The following TERF2 variants were observed in gnomAD, a reference collection of about 807,000 sequenced individuals.
TERF2 encodes telomeric repeat-binding factor 2.
A neutral mutation model predicts 56.1 loss-of-function variants in TERF2; 16 were observed. The ratio of observed to expected loss-of-function variants is 0.29; its 90% CI spans 0.19 to 0.43. TERF2 has a LOEUF of 0.43. Among genes scored for constraint, TERF2 ranks in the 20% least tolerant of loss-of-function variants. TERF2 has a pLI of 1.00. For missense variants in TERF2, 547 were observed against 712.9 expected (o/e 0.77, Z 2.65); for synonymous variants, 296 against 282.1 (o/e 1.05, Z -0.50).
At chr16:69,366,677 G>C in intron 7 of TERF2, 130 bp downstream of exon 7, 1 of 1,262,126 alleles carries the variant, frequency 7.9e-7, no homozygotes. Flanking sequence ...CCTGCGTCAA[G>C]TTCTAGCAGT....
At position 69,385,328 on chromosome 16, in the gene TERF2, T is replaced by C. The variant is rs866280102; in HGVS notation, c.475+63A>G. The stretch of plus-strand genomic sequence containing the variant: ...TAACCTGGAATCCTTCAGTTCTAGA[T>C]ATAAGTTTTAAAACAAAACCCTACG... On this transcript the variant is annotated intron_variant, in intron 2 of 9. Transcript: ENST00000254942. 1.4e-5 allele frequency: 19 copies of C among 1,389,552 alleles called. No individual in the cohort carries two copies. The Middle Eastern group carries it at 3.0e-3, about 221-fold the overall frequency. The allele number at this position is 1,389,552 out of a possible 1,614,324, so 86.1% of individuals were successfully genotyped here.
intron 3 of TERF2, among the ~76,000 whole-genome samples, chr16:69,383,241 T>G (rs137913391): frequency 1.3e-5 from 2 of 152,248 alleles, no homozygotes; most frequent in African/African-American, 4.8e-5. Flanking sequence ...AGTGCCATGT[T>G]GGCACTCAAA....
At chr16:69,376,876 A>AAC (rs1174105704) in intron 3 of TERF2, among the ~76,000 whole-genome samples, 1 of 150,794 alleles carries the variant, frequency 6.6e-6, no homozygotes, top group African/African-American at 2.4e-5. Flanking sequence ...AAAAAAAAAA[A>AAC]AAAACTGAGA....
chr16:69,357,110 A>C, intron 9 of TERF2, 54 bp from the exon 10 acceptor site: 2 of 1,546,056 alleles, frequency 1.3e-6, no homozygotes, highest in South Asian at 1.2e-5. Flanking sequence ...ACTTACTTAC[A>C]TTTTCTCCAA....
chr16:69,361,490 C>CT lies in TERF2; in HGVS notation c.1341-2dup. 6.2e-7 allele frequency: 1 copy of CT among 1,609,684 alleles called. No homozygotes were observed. The highest frequency in any genetic ancestry group is 8.5e-7 in the Non-Finnish European group (1 of 1,176,008). On this transcript the variant is annotated splice_acceptor_variant, in intron 7 of 9. Transcript: ENST00000254942. LOFTEE classifies it high-confidence loss of function. ...GCTGTTCCACTTGCCTTTGGGTACT[C>CT]TGAGGGGAGATCAAGGAGAGCACAG...
At position 69,356,004 on chromosome 16, in the gene TERF2, TA is replaced by T. The variant is rs1298682370; in HGVS notation, c.*893del. ...GAAGTGGAGGATTAACCTGCCTACATAGCCCAGCAGATGTTGACAGCAAATG... is the reference window on the plus strand; with the variant it reads ...GAAGTGGAGGATTAACCTGCCTACATGCCCAGCAGATGTTGACAGCAAATG... On this transcript the variant is annotated 3_prime_UTR_variant, in exon 10 of 10. Coordinates refer to ENST00000254942, the MANE Select transcript of TERF2 (RefSeq NM_005652.5). The T allele has an allele frequency of 3.4e-6, 1 of 292,490 alleles. No individual in the cohort carries two copies. Among genetic ancestry groups the T allele is most frequent in the Non-Finnish European group, 6.8e-6 (1 of 146,760 alleles). 18.1% of individuals were successfully genotyped at this position (292,490 alleles called of 1,614,324 possible). A position where few individuals can be genotyped will look rare whatever the true frequency, so the allele number is the denominator to read the frequency against.
chr16:69,357,580 A>G lies in TERF2; in HGVS notation c.1427-19T>C, dbSNP rs1042948233. ...GGTGCTGCTGGAAAACATTAAAAGT[A>G]GACTCATTTCAGAGTTCACCTTTCT... On this transcript the variant is annotated intron_variant, in intron 8 of 9. Coordinates refer to ENST00000254942, the MANE Select transcript of TERF2 (RefSeq NM_005652.5). 4.3e-6 allele frequency: 7 copies of G among 1,612,658 alleles called. No homozygotes were observed. The highest frequency in any genetic ancestry group is 5.1e-6 in the Non-Finnish European group (6 of 1,179,634).
In TERF2 at chr16:69,385,837, T is replaced by G; in HGVS notation, c.135A>C (p.Gly45=). The G allele has an allele frequency of 7.4e-7, 1 of 1,352,208 alleles. No homozygotes were observed. The highest frequency in any genetic ancestry group is 9.5e-7 in the Non-Finnish European group (1 of 1,050,072). 83.8% of individuals were successfully genotyped at this position (1,352,208 alleles called of 1,614,324 possible). The change falls in exon 1 of 10, where the codon GGA becomes GGC. Residue 45 remains glycine, a synonymous_variant. Transcript: ENST00000254942. ...EGARRSDTMA[G]GGGSSDGSGR... is the part of the protein sequence containing the mutation. ...CGCTGCCGTCGCTACTCCCGCCTCC[T>G]CCCGCCATCGTGTCCGATCGCCGCG...
intron 2 of TERF2, among the ~76,000 whole-genome samples, chr16:69,385,161 A>T (rs1020398778): frequency 3.3e-5 from 5 of 152,096 alleles, no homozygotes; most frequent in Non-Finnish European, 7.3e-5. Flanking sequence ...GGGGTGAGCA[A>T]TTAACAGGTG....
intron 5 of TERF2, among the ~76,000 whole-genome samples, chr16:69,369,492 T>G (rs2013484856): frequency 6.6e-6 from 1 of 151,828 alleles, no homozygotes; most frequent in Non-Finnish European, 1.5e-5. Flanking sequence ...AGAGAAGGGG[T>G]TTCACCATGT....
At chr16:69,368,655 T>C in intron 5 of TERF2, 173 bp from the exon 6 acceptor site, 2 of 1,495,264 alleles carry the variant, frequency 1.3e-6, no homozygotes, top group East Asian at 2.6e-5. Context: ...TAAATCAAGC[T>C]TTTTTTATTC....
At chr16:69,359,007 AACAGAG>A (rs995784112) in intron 8 of TERF2, among the ~76,000 whole-genome samples, 6 of 152,292 alleles carry the variant, frequency 3.9e-5, no homozygotes, top group African/African-American at 1.2e-4. Flanking sequence ...AACATATCTA[AACAGAG>A]ACAAAGTAAT....
rs34014829 is a variant in TERF2 at position 69,367,182 on chromosome 16, G to T, written c.965C>A (p.Pro322Gln). 1.0e-3 allele frequency: 1,647 copies of T among 1,609,094 alleles called. 15 individuals are homozygous for T. The African/African-American group carries it at 0.02, about 19-fold the overall frequency. Residue 322 changes from proline to glutamine, a missense_variant, in exon 7 of 10, where the codon CCA becomes CAA. Coordinates refer to ENST00000254942, the MANE Select transcript of TERF2 (RefSeq NM_005652.5). The stretch of plus-strand genomic sequence containing the variant: ...CAGAGTCATCATTCCAATGGTGGTT[G>T]GAGGATTCCGTAGCTGCCTGCAAAT... ...REPARQLRNPPTTIGMMTLKA... is the reference protein window; with the variant it reads ...REPARQLRNPQTTIGMMTLKA...
chr16:69,376,273 C>G (rs1356274280), intron 3 of TERF2, among the ~76,000 whole-genome samples: 2 of 152,138 alleles, frequency 1.3e-5, no homozygotes, highest in Non-Finnish European at 2.9e-5. Context: ...TATGGACATT[C>G]AATTGTTTCA....
At chr16:69,370,387 C>A (rs1380654469) in intron 5 of TERF2, 96 bp downstream of exon 5, 4 of 1,498,512 alleles carry the variant, frequency 2.7e-6, no homozygotes, top group African/African-American at 2.8e-5. Context: ...AATTCAATGT[C>A]TTTTTCACAC....
Position 69,356,241 on chromosome 16 carries a change from G to T in TERF2, c.*657C>A. On this transcript the variant is annotated 3_prime_UTR_variant, in exon 10 of 10. Transcript: ENST00000254942. ...GTTTTAACAGGTCATGGAGTCACAA[G>T]TGGCTCCTAATAGACTTCACCATTT... is the stretch of plus-strand genomic sequence containing the variant. 2.2e-6 allele frequency: 1 copy of T among 454,974 alleles called. No individual in the cohort carries two copies. Among genetic ancestry groups the T allele is most frequent in the South Asian group, 1.6e-5 (1 of 64,316 alleles). 28.2% of individuals were successfully genotyped at this position (454,974 alleles called of 1,614,324 possible).
chr16:69,382,847 C>T (rs1486531659), intron 3 of TERF2, among the ~76,000 whole-genome samples: 1 of 152,146 alleles, frequency 6.6e-6, no homozygotes, highest in Non-Finnish European at 1.5e-5. Flanking sequence ...ACTCCTGATC[C>T]TCGGAAACTG....
In TERF2 at chr16:69,370,446, G is replaced by A. The variant is rs745938930; in HGVS notation, c.840+37C>T. On this transcript the variant is annotated intron_variant, in intron 5 of 9. Coordinates refer to ENST00000254942, the MANE Select transcript of TERF2 (RefSeq NM_005652.5). ...TTCTGATTCCCCGCACATCCTCAAG[G>A]GCACACCATGGTTATGGGAGAAGGG... 1.5e-5 allele frequency: 24 copies of A among 1,604,628 alleles called. No individual in the cohort carries two copies. In the Admixed American group the frequency reaches 3.7e-4, roughly 25 times the overall value.
chr16:69,364,368 G>A (rs2013261628), intron 7 of TERF2, among the ~76,000 whole-genome samples: 1 of 152,132 alleles, frequency 6.6e-6, no homozygotes, highest in Admixed American at 6.6e-5. Flanking sequence ...ATTATCTGGG[G>A]CATGGTTTAA....
Sources: gnomAD v4.1 joint callset for allele counts (sites outside exome capture counted in the v4.1 genomes callset) on GRCh38, gnomAD v4.1.1 for gene constraint, MANE v1.5 for transcripts, NCBI Gene and HGNC (gene_info 2026-07-23, HGNC 2026-07-21) for gene names.